Variants in MRGPRX3 observed in about 807,000 individuals in gnomAD.
The protein encoded by MRGPRX3 is MAS related GPR family member X3.
Under a neutral mutation model 16.5 loss-of-function variants are expected in MRGPRX3, and 14 were observed. The ratio of observed to expected loss-of-function variants is 0.85; its 90% CI spans 0.56 to 1.33. The LOEUF (loss-of-function observed/expected upper bound fraction) is 1.33, where lower values mean the gene tolerates loss of function less well. Ranked by LOEUF, MRGPRX3 falls within the 40% of genes most tolerant of loss-of-function variation. The pLI is 0.00. For missense variants in MRGPRX3, 449 were observed against 413.0 expected, an observed-to-expected ratio of 1.09 and a Z score of -0.76; for synonymous variants, 199 against 180.1, an observed-to-expected ratio of 1.10 and a Z score of -0.84.
At position 18,138,363 on chromosome 11, in the gene MRGPRX3, A is replaced by T; in HGVS notation, c.*192A>T. 4 of 765,180 alleles carry T rather than the reference A, an allele frequency of 5.2e-6. No homozygotes were observed. The highest frequency in any genetic ancestry group is 8.1e-6 in the Non-Finnish European group (4 of 495,052). 47.4% of individuals were successfully genotyped at this position (765,180 alleles called of 1,614,324 possible). On this transcript the variant is annotated 3_prime_UTR_variant, in exon 2 of 2. Transcript: ENST00000621697. ...TGGAAAGCATTAGTCTGACAGTACA[A>T]TGTTTGGATTCTCCTTGATATTACC...
chr11:18,135,186 T>G (rs538891841), intron 1 of MRGPRX3, among the ~76,000 whole-genome samples: 1 of 152,142 alleles, frequency 6.6e-6, no homozygotes, highest in Non-Finnish European at 1.5e-5. Context: ...GATAATACCA[T>G]AGACAGTCTT....
chr11:18,137,112 A>G (rs550246428), intron 1 of MRGPRX3, 66 bp from the exon 2 acceptor site: 12 of 1,450,238 alleles, frequency 8.3e-6, no homozygotes, highest in Admixed American at 4.5e-5. Flanking sequence ...TAAATCCCAC[A>G]TGGCAGGGTG....
intron 1 of MRGPRX3, among the ~76,000 whole-genome samples, chr11:18,122,461 C>G (rs151318221): frequency 0.023 from 3,490 of 152,264 alleles, 127 homozygotes; most frequent in African/African-American, 0.079. Context: ...CCTTGTGATA[C>G]TTTGCTCAGA....
chr11:18,129,069 T>A (rs1234258504), upstream of MRGPRX3, among the ~76,000 whole-genome samples: 2 of 152,208 alleles, frequency 1.3e-5, no homozygotes, highest in African/African-American at 4.8e-5. Context: ...TTCATTGTAT[T>A]AAATGCATAC....
At chr11:18,122,441 G>A (rs1848849608) in intron 1 of MRGPRX3, among the ~76,000 whole-genome samples, 1 of 152,126 alleles carries the variant, frequency 6.6e-6, no homozygotes, top group African/African-American at 2.4e-5. Flanking sequence ...TGTGGTGTTT[G>A]GTTTTCTGTC....
At chr11:18,128,585 G>A (rs1330579620), upstream of MRGPRX3, among the ~76,000 whole-genome samples, 1 of 152,242 alleles carries the variant, frequency 6.6e-6, no homozygotes, top group Non-Finnish European at 1.5e-5. Context: ...GCCAGGCACA[G>A]GATACAATCT....
intron 1 of MRGPRX3, among the ~76,000 whole-genome samples, chr11:18,123,255 C>A (rs1220105724): frequency 2.0e-5 from 3 of 152,002 alleles, no homozygotes; most frequent in Non-Finnish European, 4.4e-5. Flanking sequence ...GACACGAAGT[C>A]CTTGCCCATG....
At chr11:18,133,896 G>A (rs1370281099) in intron 1 of MRGPRX3, among the ~76,000 whole-genome samples, 1 of 152,122 alleles carries the variant, frequency 6.6e-6, no homozygotes, top group Non-Finnish European at 1.5e-5. Flanking sequence ...AATTCCACCA[G>A]AAACCAGAAA....
At chr11:18,124,263 T>G (rs918316857) in intron 1 of MRGPRX3, among the ~76,000 whole-genome samples, 1 of 152,238 alleles carries the variant, frequency 6.6e-6, no homozygotes, top group Non-Finnish European at 1.5e-5. Context: ...CCCTGTCTTG[T>G]GCCAGTTTTC....
chr11:18,127,456 G>C (rs1284396434), intron 1 of MRGPRX3, among the ~76,000 whole-genome samples: 1 of 152,166 alleles, frequency 6.6e-6, no homozygotes, highest in African/African-American at 2.4e-5. Context: ...ATTTCTTGGA[G>C]GCTTTGTTCC....
Position 18,123,446 on chromosome 11 carries a change from TC to T in MRGPRX3, c.-152+2284del, listed in dbSNP as rs778812445. On this transcript the variant is annotated intron_variant, in intron 1 of 2. Coordinates refer to the MRGPRX3 transcript ENST00000396275. ...CCAGCACCATTTATTAAATAGGGAA[TC>T]CTTTCCCCATTGCTTGTTTTTGTCA... Among the ~76,000 whole-genome samples the T allele has an allele frequency of 9.8e-5, 15 of 152,332 alleles. No individual in the cohort carries two copies. In the East Asian group the frequency reaches 2.1e-3, roughly 21 times the overall value.
At chr11:18,126,949 C>T (rs901451416) in intron 1 of MRGPRX3, among the ~76,000 whole-genome samples, 1 of 152,198 alleles carries the variant, frequency 6.6e-6, no homozygotes, top group African/African-American at 2.4e-5. Flanking sequence ...CCACAATAAA[C>T]ATATGTGTGC....
At chr11:18,136,478 T>A (rs1479660665) in intron 1 of MRGPRX3, among the ~76,000 whole-genome samples, 1 of 152,200 alleles carries the variant, frequency 6.6e-6, no homozygotes, top group Non-Finnish European at 1.5e-5. Flanking sequence ...ATGAATGAAA[T>A]TTTCTTCATC....
At chr11:18,122,590 T>C (rs978705107) in intron 1 of MRGPRX3, among the ~76,000 whole-genome samples, 1 of 152,254 alleles carries the variant, frequency 6.6e-6, no homozygotes, top group Non-Finnish European at 1.5e-5. Flanking sequence ...CTATCATTTT[T>C]GGATCTTTGG....
intron 1 of MRGPRX3, among the ~76,000 whole-genome samples, chr11:18,133,738 C>A (rs1848983338): frequency 6.6e-6 from 1 of 152,132 alleles, no homozygotes; most frequent in Non-Finnish European, 1.5e-5. Context: ...CCAGTTAAAC[C>A]CATTTCCTTC....
chr11:18,127,625 G>A (rs1372717413), upstream of MRGPRX3, among the ~76,000 whole-genome samples: 2 of 152,152 alleles, frequency 1.3e-5, no homozygotes, highest in East Asian at 1.9e-4. Context: ...GCTCCATCAG[G>A]TCCTTTAAGG....
chr11:18,125,032 A>G (rs975123348), intron 1 of MRGPRX3, among the ~76,000 whole-genome samples: 2 of 152,036 alleles, frequency 1.3e-5, no homozygotes, highest in African/African-American at 4.8e-5. Flanking sequence ...ATCGATGGTG[A>G]TATTCCCTTT....
intron 1 of MRGPRX3, among the ~76,000 whole-genome samples, chr11:18,124,617 G>A (rs1279746028): frequency 5.8e-4 from 88 of 152,220 alleles, no homozygotes; most frequent in Non-Finnish European, 1.0e-3. Flanking sequence ...TTTTTGCATC[G>A]ATATTCATCA....
intron 1 of MRGPRX3, among the ~76,000 whole-genome samples, chr11:18,125,193 T>C (rs547139170): frequency 1.3e-5 from 2 of 152,344 alleles, no homozygotes; most frequent in South Asian, 2.1e-4. Context: ...TCTCCTTCAG[T>C]TCTACTCTGA....
Sources: gnomAD v4.1 joint callset for allele counts (sites outside exome capture counted in the v4.1 genomes callset) on GRCh38, gnomAD v4.1.1 for gene constraint, MANE v1.5 for transcripts, NCBI Gene and HGNC (gene_info 2026-07-23, HGNC 2026-07-21) for gene names.